The following DEPDC5 variants were observed in gnomAD, a reference collection of about 807,000 sequenced individuals.
The protein encoded by DEPDC5 is GATOR1 complex protein DEPDC5.
In DEPDC5, 73 loss-of-function variants were observed where a neutral mutation model predicts 217.3. That is an observed-to-expected ratio of 0.34 (90% CI 0.28 to 0.41). The LOEUF (loss-of-function observed/expected upper bound fraction) is 0.41, where lower values mean the gene tolerates loss of function less well. Ranked by LOEUF, DEPDC5 falls within the 10% of genes least tolerant of loss-of-function variation. The probability of loss-of-function intolerance (pLI) is 1.00; values close to 1 mark genes in which losing one functional copy is unlikely to be tolerated. For missense variants in DEPDC5, 1,675 were observed against 2,070.1 expected (o/e 0.81, Z 3.70); for synonymous variants, 733 against 756.7 (o/e 0.97, Z 0.51).
At chr22:31,848,395 C>T (rs375591829) in intron 31 of DEPDC5, among the ~76,000 whole-genome samples, 8 of 152,244 alleles carry the variant, frequency 5.3e-5, no homozygotes, top group Admixed American at 4.6e-4. Flanking sequence ...TCTGCCTCCC[C>T]TGAAATCTAG....
chr22:31,762,008 C>T (rs2082434127), intron 4 of DEPDC5, among the ~76,000 whole-genome samples: 3 of 151,820 alleles, frequency 2.0e-5, no homozygotes. Flanking sequence ...CTGCCTGTTG[C>T]CCAGGTTGGT....
In DEPDC5 at chr22:31,879,894, C is replaced by T. The variant is rs1044583895; in HGVS notation, c.4033+142C>T. On this transcript the variant is annotated intron_variant, in intron 38 of 42. Coordinates refer to ENST00000651528, the MANE Select transcript of DEPDC5 (RefSeq NM_001242896.3). ...ACACAGGCCACTGTGTCTGTCGGCA[C>T]TGTTGGCTCCGTTGCTGACTTCCAC... The T allele has an allele frequency of 3.2e-5, 26 of 800,436 alleles. No homozygotes were observed. The Admixed American group carries it at 6.7e-4, about 21-fold the overall frequency. 49.6% of individuals were successfully genotyped at this position (800,436 alleles called of 1,614,324 possible). A position where few individuals can be genotyped will look rare whatever the true frequency, so the allele number is the denominator to read the frequency against.
intron 8 of DEPDC5, among the ~76,000 whole-genome samples, chr22:31,781,891 G>A (rs1169762328): frequency 1.1e-4 from 17 of 151,804 alleles, no homozygotes; most frequent in Admixed American, 1.1e-3. Context: ...TTTAGCCAGG[G>A]GTAGTGGCCC....
intron 33 of DEPDC5, 82 bp from the exon 34 acceptor site, chr22:31,870,508 G>GAA (rs1200607830): frequency 1.3e-5 from 17 of 1,340,492 alleles, no homozygotes; most frequent in Middle Eastern, 2.3e-4. Flanking sequence ...CTTACTGAGT[G>GAA]AATAAGCCAG....
In DEPDC5 at chr22:31,906,576, C is replaced by G. The variant is rs1376776588; in HGVS notation, c.*79C>G. ...CGGGGCGGAGGATTCCAGGCAGGCT[C>G]TAGGAGTCAGGTGTCCGTTTGCTGC... On this transcript the variant is annotated 3_prime_UTR_variant, in exon 43 of 43. Transcript: ENST00000651528. The surrounding 1 kb of genome is among the most constrained non-coding windows in gnomAD (Gnocchi z 5.1). 2 of 1,546,936 alleles carry G rather than the reference C, an allele frequency of 1.3e-6. No homozygotes were observed. Among genetic ancestry groups the G allele is most frequent in the Admixed American group, 1.8e-5 (1 of 56,310 alleles).
At chr22:31,847,889 T>C (rs1239309645) in intron 31 of DEPDC5, among the ~76,000 whole-genome samples, 2 of 152,202 alleles carry the variant, frequency 1.3e-5, no homozygotes, top group Non-Finnish European at 2.9e-5. Context: ...GGCAAATCCC[T>C]TTTGCCTATG....
chr22:31,879,041 A>AT (rs1227529102), intron 37 of DEPDC5, among the ~76,000 whole-genome samples: 16 of 125,884 alleles, frequency 1.3e-4, no homozygotes, highest in South Asian at 5.2e-4. Flanking sequence ...AAAAAAAAAA[A>AT]AAATATATAT....
At chr22:31,857,385 A>G in intron 31 of DEPDC5, 60 bp from the exon 32 acceptor site, 2 of 1,448,476 alleles carry the variant, frequency 1.4e-6, no homozygotes, top group South Asian at 1.3e-5. Flanking sequence ...CTTGGCCGAC[A>G]TGGATCCTTC....
At chr22:31,785,906 C>T (rs1378788457) in intron 10 of DEPDC5, among the ~76,000 whole-genome samples, 1 of 151,994 alleles carries the variant, frequency 6.6e-6, no homozygotes, top group Non-Finnish European at 1.5e-5. Flanking sequence ...TGGAAAAGAA[C>T]GAATTTGGAC....
At chr22:31,806,997 G>A (rs577928921) in intron 18 of DEPDC5, among the ~76,000 whole-genome samples, 2 of 152,306 alleles carry the variant, frequency 1.3e-5, no homozygotes, top group South Asian at 2.1e-4. Flanking sequence ...GGGTGGCTAA[G>A]TGAGATCTTG....
chr22:31,845,315 A>G, intron 30 of DEPDC5, 78 bp downstream of exon 30: 3 of 1,511,002 alleles, frequency 2.0e-6, no homozygotes, highest in Non-Finnish European at 2.7e-6. Context: ...GGGGCCTCTC[A>G]TCATCAGCCT....
chr22:31,887,348 GGCAGA>G (rs2093340372), intron 38 of DEPDC5, among the ~76,000 whole-genome samples: 1 of 145,884 alleles, frequency 6.9e-6, no homozygotes, highest in African/African-American at 2.5e-5. Flanking sequence ...GAACCCAGGA[GGCAGA>G]GGTTACAGTG....
chr22:31,784,785 C>T (rs2084813049), intron 9 of DEPDC5, 29 bp from the exon 10 acceptor site: 3 of 1,597,920 alleles, frequency 1.9e-6, no homozygotes, highest in Non-Finnish European at 2.6e-6. Context: ...TTCTCATGTT[C>T]TCATCCTTTT....
chr22:31,787,441 C>T (rs774607039), intron 10 of DEPDC5, among the ~76,000 whole-genome samples: 10 of 152,052 alleles, frequency 6.6e-5, no homozygotes, highest in African/African-American at 1.4e-4. Context: ...ACCAAAAGCA[C>T]GGCATCCAAA....
At chr22:31,814,583 A>G (rs755431450) in intron 20 of DEPDC5, 15 of 190,638 alleles carry the variant, frequency 7.9e-5, no homozygotes, top group East Asian at 1.4e-4. Flanking sequence ...TAAACTGGCA[A>G]TTATCTCTGG....
In DEPDC5 at chr22:31,906,761, A is replaced by G; in HGVS notation, c.*264A>G. ...CAAGTGCTCAGAGCAGGTGGGAGGC[A>G]CAGATTGTCCGTGGGAGGGCTCCAG... is the stretch of plus-strand genomic sequence containing the variant. On this transcript the variant is annotated 3_prime_UTR_variant, in exon 43 of 43. Coordinates refer to ENST00000651528, the MANE Select transcript of DEPDC5 (RefSeq NM_001242896.3). This position sits in a 1 kb window ranked among gnomAD's most constrained non-coding sequence, Gnocchi z 5.1. 1 of 551,928 alleles carries G rather than the reference A, an allele frequency of 1.8e-6. No homozygotes were observed. The highest frequency in any genetic ancestry group is 3.2e-6 in the Non-Finnish European group (1 of 310,634). The allele number at this position is 551,928 out of a possible 1,614,324, so 34.2% of individuals were successfully genotyped here.
intron 37 of DEPDC5, among the ~76,000 whole-genome samples, chr22:31,878,048 G>A (rs1013694839): frequency 6.6e-5 from 10 of 151,702 alleles, no homozygotes; most frequent in African/African-American, 1.9e-4. Flanking sequence ...TTAGCTGGGC[G>A]TGGTGGCGCA....
chr22:31,776,605 G>A (rs1035493047), intron 7 of DEPDC5, among the ~76,000 whole-genome samples: 2 of 95,156 alleles, frequency 2.1e-5, no homozygotes, highest in Non-Finnish European at 3.8e-5. Context: ...AGGCTGAGTT[G>A]TGCTCTTGTT....
chr22:31,878,894 G>A (rs1441213486), intron 37 of DEPDC5, among the ~76,000 whole-genome samples: 4 of 151,536 alleles, frequency 2.6e-5, no homozygotes, highest in South Asian at 2.1e-4. Context: ...AAAATTAGCC[G>A]GGCGTGGTGG....
Sources: gnomAD v4.1 joint callset for allele counts (sites outside exome capture counted in the v4.1 genomes callset) on GRCh38, gnomAD v4.1.1 for gene constraint, Gnocchi (gnomAD v3.1) non-coding constraint, MANE v1.5 for transcripts, NCBI Gene and HGNC (gene_info 2026-07-23, HGNC 2026-07-21) for gene names.